Variants in EPHA6 observed in about 807,000 individuals in gnomAD.
The protein encoded by EPHA6 is EPH receptor A6, also known as ephrin type-A receptor 6.
EPHA6 carries 50 observed loss-of-function variants against 112.0 expected under a neutral mutation model. The observed-to-expected ratio is 0.45, with a 90% CI of 0.36 to 0.56. The LOEUF (loss-of-function observed/expected upper bound fraction) is 0.56, where lower values mean the gene tolerates loss of function less well. Among genes scored for constraint, EPHA6 ranks in the 20% least tolerant of loss-of-function variants. EPHA6 has a pLI of 0.00. For synonymous variants in EPHA6, 529 were observed against 490.7 expected (o/e 1.08, Z -1.03); for missense variants, 1,280 against 1,417.4 (o/e 0.90, Z 1.56).
chr3:97,135,034 T>G (rs193032544), intron 3 of EPHA6, among the ~76,000 whole-genome samples: 3 of 152,234 alleles, frequency 2.0e-5, no homozygotes, highest in African/African-American at 7.2e-5. Flanking sequence ...GCGTTTGCTG[T>G]TTTTCAGGTA....
At chr3:96,845,818 A>G (rs551806613) in intron 1 of EPHA6, among the ~76,000 whole-genome samples, 1 of 152,028 alleles carries the variant, frequency 6.6e-6, no homozygotes, top group South Asian at 2.1e-4. Flanking sequence ...CAACTTTGCA[A>G]TTATAGGTCC....
intron 5 of EPHA6, among the ~76,000 whole-genome samples, chr3:97,255,133 G>C (rs986441693): frequency 2.1e-5 from 3 of 139,668 alleles, no homozygotes; most frequent in Non-Finnish European, 4.5e-5. Flanking sequence ...TTTTCCAGAG[G>C]TACATCTTGG....
At chr3:96,998,842 T>TTA (rs947374692) in intron 3 of EPHA6, among the ~76,000 whole-genome samples, 93 of 152,068 alleles carry the variant, frequency 6.1e-4, no homozygotes, top group African/African-American at 2.2e-3. Flanking sequence ...AACTTTCAAT[T>TTA]TATCCTGTCT....
chr3:97,166,441 G>A (rs2108413003), intron 3 of EPHA6, among the ~76,000 whole-genome samples: 1 of 151,762 alleles, frequency 6.6e-6, no homozygotes, highest in East Asian at 1.9e-4. Context: ...CCCTGCCTGT[G>A]ATCTTATGTA....
At chr3:97,099,371 C>T (rs2108255682) in intron 3 of EPHA6, among the ~76,000 whole-genome samples, 1 of 151,860 alleles carries the variant, frequency 6.6e-6, no homozygotes, top group South Asian at 2.1e-4. Context: ...TTTTGTGGGT[C>T]AGAAATCTGT....
intron 11 of EPHA6, among the ~76,000 whole-genome samples, chr3:97,536,161 A>G (rs1232228092): frequency 6.6e-6 from 1 of 152,208 alleles, no homozygotes; most frequent in Non-Finnish European, 1.5e-5. Flanking sequence ...GTAGCCATTA[A>G]TAGCACAGAT....
intron 12 of EPHA6, among the ~76,000 whole-genome samples, chr3:97,600,805 TA>T (rs111876263): frequency 0.013 from 1,929 of 144,754 alleles, 28 homozygotes; most frequent in African/African-American, 0.035. Context: ...AGCAGTGCAT[TA>T]AAAAAAAAAA....
chr3:97,743,342 A>G (rs1401070970), intron 16 of EPHA6, among the ~76,000 whole-genome samples: 1 of 152,096 alleles, frequency 6.6e-6, no homozygotes, highest in Non-Finnish European at 1.5e-5. Context: ...TGCCTACACA[A>G]AAACAGAGAG....
chr3:96,903,115 G>C (rs1243074473), intron 2 of EPHA6, among the ~76,000 whole-genome samples: 1 of 152,186 alleles, frequency 6.6e-6, no homozygotes, highest in African/African-American at 2.4e-5. Flanking sequence ...TGATAAAGTA[G>C]TATTTGAGCA....
chr3:96,816,653 A>C (rs2032808684), intron 1 of EPHA6, among the ~76,000 whole-genome samples: 1 of 152,042 alleles, frequency 6.6e-6, no homozygotes. Context: ...CCATGCAATA[A>C]TTTCCCCAAA....
rs1222622835 is a variant in EPHA6, at chr3:97,753,441, G to A, written c.*4740G>A. Among the ~76,000 whole-genome samples, 1 of 152,030 alleles carries A rather than the reference G, an allele frequency of 6.6e-6. No homozygotes were observed. Among genetic ancestry groups the A allele is most frequent in the African/African-American group, 2.4e-5 (1 of 41,398 alleles). ...CCTCAAATTCTCATAGTATTCTTCC[G>A]AAACACTCCATAACCCCTCTGGCGG... On this transcript the variant is annotated 3_prime_UTR_variant, in exon 18 of 18. Coordinates refer to ENST00000389672, the MANE Select transcript of EPHA6 (RefSeq NM_001080448.3).
chr3:97,567,846 G>C (rs936087247), intron 11 of EPHA6, among the ~76,000 whole-genome samples: 5 of 152,248 alleles, frequency 3.3e-5, no homozygotes, highest in Middle Eastern at 3.4e-3. Flanking sequence ...AACTCACCAG[G>C]GTGCTCAGGA....
intron 6 of EPHA6, among the ~76,000 whole-genome samples, chr3:97,443,935 G>A (rs1474054052): frequency 8.5e-5 from 13 of 152,128 alleles, no homozygotes; most frequent in Admixed American, 8.5e-4. Context: ...TAAATGGGGT[G>A]TAGTGGAAAA....
intron 13 of EPHA6, among the ~76,000 whole-genome samples, chr3:97,620,344 G>A (rs2107499681): frequency 6.6e-6 from 1 of 152,108 alleles, no homozygotes; most frequent in South Asian, 2.1e-4. Flanking sequence ...ATACCATTCA[G>A]GAGATAGGCA....
intron 11 of EPHA6, among the ~76,000 whole-genome samples, chr3:97,532,924 A>G (rs2092711844): frequency 6.6e-6 from 1 of 152,064 alleles, no homozygotes; most frequent in Non-Finnish European, 1.5e-5. Context: ...ATACAAATAT[A>G]AAATGCTTTA....
chr3:97,689,775 T>A (rs1401196958), intron 14 of EPHA6, among the ~76,000 whole-genome samples: 2 of 152,132 alleles, frequency 1.3e-5, no homozygotes. Context: ...CCTAAAAATC[T>A]CATACCCATT....
At chr3:96,904,351 G>T (rs2038800651) in intron 2 of EPHA6, among the ~76,000 whole-genome samples, 1 of 150,598 alleles carries the variant, frequency 6.6e-6, no homozygotes, top group South Asian at 2.1e-4. Flanking sequence ...GCAAACTACT[G>T]CAAGGACAAA....
In EPHA6 at chr3:97,475,402, G is replaced by A. The variant is rs1323884785; in HGVS notation, c.1945G>A (p.Ala649Thr). The A allele has an allele frequency of 5.7e-5, 92 of 1,611,956 alleles. No individual in the cohort carries two copies. Among genetic ancestry groups the A allele is most frequent in the Non-Finnish European group, 7.4e-5 (87 of 1,178,900 alleles). ...ACAGATTCTCGTGATAGCCACCGCC[G>A]CTGTTGGCGGATTCACTCTCCTCGT... ...QGQILVIATA[A>T]VGGFTLLVIL... The change falls in exon 8 of 18, where the codon GCT becomes ACT. Residue 649 changes from alanine to threonine, a missense_variant. Physicochemically the swap from Ala to Thr is moderately conservative, Grantham distance 58. Around this residue, in one of 4 missense-constraint regions of EPHA6, gnomAD observed 878 missense variants for 999.7 expected, o/e 0.88. Transcript: ENST00000389672.
chr3:97,578,072 C>A (rs938116966), intron 11 of EPHA6, among the ~76,000 whole-genome samples: 2 of 152,054 alleles, frequency 1.3e-5, no homozygotes, highest in Non-Finnish European at 2.9e-5. Context: ...GAGATAGAGT[C>A]ATCAGAGGAT....
Sources: gnomAD v4.1 joint callset for allele counts (sites outside exome capture counted in the v4.1 genomes callset) on GRCh38, gnomAD v4.1.1 for gene constraint, gnomAD v4.1.1 regional missense constraint, MANE v1.5 for transcripts, NCBI Gene and HGNC (gene_info 2026-07-23, HGNC 2026-07-21) for gene names.